ERC1: variants seen among roughly 807,000 people sequenced by gnomAD.
The protein encoded by ERC1 is RAB6 interacting protein 2.
A neutral mutation model predicts 132.0 loss-of-function variants in ERC1; 56 were observed. The observed-to-expected ratio is 0.42, with a 90% CI of 0.34 to 0.53. ERC1 has a LOEUF of 0.53. Among genes scored for constraint, ERC1 ranks in the 20% least tolerant of loss-of-function variants. The pLI is 0.03. For missense variants in ERC1, 1,202 were observed against 1,349.9 expected (o/e 0.89, Z 1.72); for synonymous variants, 478 against 476.1 (o/e 1.00, Z -0.05).
chr12:1,193,917 A>G (rs74057287), intron 12 of ERC1, among the ~76,000 whole-genome samples: 4,404 of 152,302 alleles, frequency 0.029, 223 homozygotes, highest in African/African-American at 0.1. Flanking sequence ...AGACAAGTTA[A>G]TATTTCAAAA....
intron 2 of ERC1, among the ~76,000 whole-genome samples, chr12:1,046,335 C>T (rs1357921241): frequency 6.6e-6 from 1 of 152,130 alleles, no homozygotes; most frequent in East Asian, 1.9e-4. Flanking sequence ...GGGAACACCA[C>T]ATTATAGCCA....
At chr12:1,418,613 TTCTTTC>T (rs1183030163) in intron 17 of ERC1, among the ~76,000 whole-genome samples, 1 of 103,088 alleles carries the variant, frequency 9.7e-6, no homozygotes, top group Non-Finnish European at 1.8e-5. Context: ...CTTTCTTTCT[TTCTTTC>T]TTTCTTTCTT....
intron 2 of ERC1, among the ~76,000 whole-genome samples, chr12:1,062,893 G>A (rs1342864230): frequency 1.3e-5 from 2 of 152,158 alleles, no homozygotes; most frequent in African/African-American, 4.8e-5. Flanking sequence ...TTGGTGTTAG[G>A]TGCATATGTG....
chr12:1,246,323 C>G (rs61606731), intron 13 of ERC1, among the ~76,000 whole-genome samples: 1 of 150,488 alleles, frequency 6.6e-6, no homozygotes, highest in African/African-American at 2.4e-5. Context: ...AGAAATGAAA[C>G]GTGAGCAAAA....
intron 14 of ERC1, among the ~76,000 whole-genome samples, chr12:1,284,467 G>C (rs1405186595): frequency 6.6e-6 from 1 of 152,118 alleles, no homozygotes; most frequent in South Asian, 2.1e-4. Flanking sequence ...TAGTGGGATT[G>C]CTGGATCATG....
rs565080461 is a variant in ERC1 at position 1,390,201 on chromosome 12, A to G, written c.2926-17948A>G. 9.2e-5 allele frequency among the ~76,000 whole-genome samples: 14 copies of G among 152,276 alleles called. No individual in the cohort carries two copies. The South Asian group carries it at 2.7e-3, about 29-fold the overall frequency. On this transcript the variant is annotated intron_variant, in intron 16 of 18. Coordinates refer to ENST00000360905, the MANE Select transcript of ERC1 (RefSeq NM_178040.4). ...AAACACTGGTATGTTATGATTAGTG[A>G]TTAGCTTATAACAAACATCTAAACA... is the stretch of plus-strand genomic sequence containing the variant.
chr12:1,098,924 C>T (rs1022528392), intron 3 of ERC1, among the ~76,000 whole-genome samples: 1 of 152,168 alleles, frequency 6.6e-6, no homozygotes, highest in African/African-American at 2.4e-5. Context: ...GTGAAGGAAA[C>T]AGAGAAAGTG....
intron 16 of ERC1, among the ~76,000 whole-genome samples, chr12:1,403,665 G>A (rs148240612): frequency 2.3e-3 from 345 of 152,148 alleles, no homozygotes; most frequent in Middle Eastern, 6.8e-3. Flanking sequence ...CTGTCCACTT[G>A]GATCAGTTTT....
chr12:1,171,871 T>C (rs925049820), intron 8 of ERC1, among the ~76,000 whole-genome samples: 4 of 152,188 alleles, frequency 2.6e-5, no homozygotes, highest in African/African-American at 9.7e-5. Flanking sequence ...TGATAGCTCC[T>C]GACAACTGGG....
At chr12:1,187,155 A>G (rs538398815) in intron 11 of ERC1, among the ~76,000 whole-genome samples, 31 of 152,080 alleles carry the variant, frequency 2.0e-4, no homozygotes, top group African/African-American at 7.2e-4. Flanking sequence ...TTTTAAAGGG[A>G]TGTTTATAAC....
At chr12:1,400,736 C>T (rs1349913418) in intron 16 of ERC1, among the ~76,000 whole-genome samples, 1 of 151,760 alleles carries the variant, frequency 6.6e-6, no homozygotes, top group African/African-American at 2.4e-5. Context: ...ATCAGTTGAC[C>T]ATAAAAAAAT....
At chr12:1,170,562 CTT>C (rs984436394) in intron 8 of ERC1, among the ~76,000 whole-genome samples, 1 of 152,144 alleles carries the variant, frequency 6.6e-6, no homozygotes, top group Non-Finnish European at 1.5e-5. Context: ...TATGTGCCCT[CTT>C]TGTCTTTTGA....
chr12:1,060,223 T>C (rs1238050839), intron 2 of ERC1, among the ~76,000 whole-genome samples: 1 of 149,642 alleles, frequency 6.7e-6, no homozygotes, highest in Non-Finnish European at 1.5e-5. Flanking sequence ...ATGTGCACAA[T>C]GTGCAGGTTA....
chr12:1,470,459 T>G (rs1268895571), intron 18 of ERC1, among the ~76,000 whole-genome samples: 1 of 151,794 alleles, frequency 6.6e-6, no homozygotes, highest in Non-Finnish European at 1.5e-5. Flanking sequence ...TGTTTTTTTT[T>G]TTTCTTCATC....
intron 1 of ERC1, among the ~76,000 whole-genome samples, chr12:996,634 C>T (rs1960974799): frequency 6.6e-6 from 1 of 152,012 alleles, no homozygotes; most frequent in Non-Finnish European, 1.5e-5. Flanking sequence ...AAATAGGCAA[C>T]CTGGGAGTGC....
rs1248326291 is a variant in ERC1, at chr12:1,233,885, A to G, written c.2352-2884A>G. On this transcript the variant is annotated intron_variant, in intron 12 of 18. Coordinates refer to ENST00000360905, the MANE Select transcript of ERC1 (RefSeq NM_178040.4). ...GATTCAAATAAAGTAGCCGTAAGAA[A>G]TAAACTTTGATTCAAATGGGGAAAT... 2.0e-5 allele frequency among the ~76,000 whole-genome samples: 3 copies of G among 152,220 alleles called. No homozygotes were observed. In the South Asian group the frequency reaches 6.2e-4, roughly 31 times the overall value.
intron 1 of ERC1, chr12:998,599 G>A (rs1045624239): frequency 6.6e-6 from 1 of 152,162 alleles, no homozygotes; most frequent in African/African-American, 2.4e-5. Context: ...CCTTATCTTG[G>A]AAGTGATGTG....
chr12:1,292,732 C>T (rs11061687), intron 15 of ERC1, among the ~76,000 whole-genome samples: 8 of 152,262 alleles, frequency 5.3e-5, no homozygotes, highest in East Asian at 1.9e-4. Context: ...GTTAACAGGC[C>T]GGGCACGGTG....
At chr12:1,436,017 T>C (rs1329808124) in intron 17 of ERC1, among the ~76,000 whole-genome samples, 1 of 152,210 alleles carries the variant, frequency 6.6e-6, no homozygotes, top group East Asian at 1.9e-4. Flanking sequence ...GGCTATAGCC[T>C]AGCTGTGAGC....
Sources: gnomAD v4.1 joint callset for allele counts (sites outside exome capture counted in the v4.1 genomes callset) on GRCh38, gnomAD v4.1.1 for gene constraint, MANE v1.5 for transcripts, NCBI Gene and HGNC (gene_info 2026-07-23, HGNC 2026-07-21) for gene names.